The following TUSC3 variants were observed in gnomAD, a reference collection of about 807,000 sequenced individuals.
TUSC3 encodes dolichyl-diphosphooligosaccharide--protein glycosyltransferase subunit TUSC3.
Under a neutral mutation model 44.8 loss-of-function variants are expected in TUSC3, and 45 were observed. That is an observed-to-expected ratio of 1.00 (90% CI 0.79 to 1.29). TUSC3 has a LOEUF of 1.29. Among genes scored for constraint, TUSC3 ranks in the 50% most tolerant of loss-of-function variants. The probability of loss-of-function intolerance (pLI) is 0.00; values close to 1 mark genes in which losing one functional copy is unlikely to be tolerated. For synonymous variants in TUSC3, 212 were observed against 152.9 expected, an observed-to-expected ratio of 1.39 and a Z score of -2.85; for missense variants, 519 against 437.9, an observed-to-expected ratio of 1.19 and a Z score of -1.65.
At chr8:15,617,132 G>GTGTGTGTGTGTGTGTGTGTGTT (rs375212684) in intron 1 of TUSC3, among the ~76,000 whole-genome samples, 26 of 77,646 alleles carry the variant, frequency 3.3e-4, no homozygotes, top group East Asian at 7.3e-4. Context: ...GTGTGTGTGT[G>GTGTGTGTGTGTGTGTGTGTGTT]TATATATTTT....
chr8:15,826,874 G>A, the TUSC3 span, among the ~76,000 whole-genome samples: 2 of 152,142 alleles, frequency 1.3e-5, no homozygotes, highest in Admixed American at 6.6e-5. Flanking sequence ...AGTATATCCA[G>A]CCTTACCTGA....
intron 1 of TUSC3, among the ~76,000 whole-genome samples, chr8:15,472,291 G>A: frequency 6.6e-6 from 1 of 152,122 alleles, no homozygotes; most frequent in East Asian, 1.9e-4. Context: ...AAAAGCCTGA[G>A]AGATTCTGGC....
At chr8:15,565,052 A>G (rs1802613041) in intron 1 of TUSC3, among the ~76,000 whole-genome samples, 1 of 152,130 alleles carries the variant, frequency 6.6e-6, no homozygotes, top group Non-Finnish European at 1.5e-5. Context: ...GAGGCTTAAA[A>G]CAACAGCAAT....
intron 1 of TUSC3, among the ~76,000 whole-genome samples, chr8:15,482,913 ATTACT>A (rs894350247): frequency 3.3e-5 from 5 of 152,224 alleles, no homozygotes; most frequent in African/African-American, 9.6e-5. Flanking sequence ...TTTATTACAC[ATTACT>A]TTAAGCGGTG....
intron 2 of TUSC3, among the ~76,000 whole-genome samples, chr8:15,514,157 C>T (rs1219163279): frequency 2.0e-5 from 3 of 152,042 alleles, no homozygotes; most frequent in East Asian, 1.9e-4. Flanking sequence ...GTCATTTACG[C>T]CGCATTATTT....
intron 2 of TUSC3, among the ~76,000 whole-genome samples, chr8:15,628,083 C>T (rs960847211): frequency 2.6e-5 from 4 of 152,144 alleles, no homozygotes; most frequent in South Asian, 2.1e-4. Context: ...TCGTTTTCCC[C>T]TAAAAATAAA....
At chr8:15,474,983 G>A (rs570762198) in intron 1 of TUSC3, among the ~76,000 whole-genome samples, 1 of 152,018 alleles carries the variant, frequency 6.6e-6, no homozygotes, top group East Asian at 1.9e-4. Context: ...CAGATGAAAA[G>A]ATTCATTTCC....
intron 2 of TUSC3, among the ~76,000 whole-genome samples, chr8:15,642,890 A>G (rs1451994935): frequency 6.6e-6 from 1 of 152,178 alleles, no homozygotes; most frequent in Non-Finnish European, 1.5e-5. Context: ...TCACCCATTT[A>G]TTCATTTATT....
intron 1 of TUSC3, among the ~76,000 whole-genome samples, chr8:15,620,033 G>C (rs1805174362): frequency 6.6e-6 from 1 of 152,160 alleles, no homozygotes; most frequent in African/African-American, 2.4e-5. Flanking sequence ...TTGCACTCCA[G>C]CCTGGGTAAC....
chr8:15,823,413 C>A, the TUSC3 span, among the ~76,000 whole-genome samples: 1 of 152,172 alleles, frequency 6.6e-6, no homozygotes, highest in Admixed American at 6.6e-5. Flanking sequence ...GATTCTATGA[C>A]TTTACATTAA....
At chr8:15,553,628 G>T (rs1157971381) in intron 1 of TUSC3, among the ~76,000 whole-genome samples, 1 of 151,644 alleles carries the variant, frequency 6.6e-6, no homozygotes, top group Non-Finnish European at 1.5e-5. Flanking sequence ...GATTTAGCAA[G>T]AACGGCTTCA....
At chr8:15,787,040 G>C in the TUSC3 span, among the ~76,000 whole-genome samples, 1 of 150,456 alleles carries the variant, frequency 6.6e-6, no homozygotes, top group South Asian at 2.1e-4. Flanking sequence ...TCTGTGGTTT[G>C]CTATATTCAA....
chr8:15,419,824 G>A (rs1799716148), intron 1 of TUSC3, among the ~76,000 whole-genome samples: 1 of 152,144 alleles, frequency 6.6e-6, no homozygotes, highest in Non-Finnish European at 1.5e-5. Flanking sequence ...GGTAAGAACA[G>A]TGGGGGTAAA....
intron 1 of TUSC3, among the ~76,000 whole-genome samples, chr8:15,588,197 C>G (rs550558156): frequency 6.6e-6 from 1 of 152,084 alleles, no homozygotes; most frequent in Non-Finnish European, 1.5e-5. Context: ...TATAAGAGTT[C>G]TGTTTTCTCC....
intron 1 of TUSC3, among the ~76,000 whole-genome samples, chr8:15,564,781 C>A (rs1802604847): frequency 6.6e-6 from 1 of 151,942 alleles, no homozygotes; most frequent in Admixed American, 6.6e-5. Context: ...TCAAGATTTC[C>A]CCACGCTTGT....
chr8:15,467,779 C>G lies in TUSC3; in HGVS notation n.92-15607C>G, dbSNP rs578222389. On this transcript the variant is annotated intron_variant and non_coding_transcript_variant, in intron 1 of 5. Coordinates refer to the TUSC3 transcript ENST00000503191. ...TGAATTACGTTTGTTCTCTGTCTTT[C>G]TTTTTATTTATCTCTCTGCTTTTAA... Among the ~76,000 whole-genome samples the G allele has an allele frequency of 6.6e-5, 10 of 152,220 alleles. No individual in the cohort carries two copies. The East Asian group carries it at 1.7e-3, about 26-fold the overall frequency.
chr8:15,514,507 C>A (rs1585072160), intron 2 of TUSC3, among the ~76,000 whole-genome samples: 2 of 152,274 alleles, frequency 1.3e-5, no homozygotes, highest in Middle Eastern at 6.8e-3. Flanking sequence ...GAAATCTGAA[C>A]TGTAGACTTA....
chr8:15,796,279 G>T, the TUSC3 span, among the ~76,000 whole-genome samples: 1 of 152,194 alleles, frequency 6.6e-6, no homozygotes, highest in African/African-American at 2.4e-5. Flanking sequence ...GACTCATGTG[G>T]TGTATCTAGG....
At chr8:15,817,936 A>G in the TUSC3 span, among the ~76,000 whole-genome samples, 1 of 152,200 alleles carries the variant, frequency 6.6e-6, no homozygotes. Context: ...TCCCAGAGTC[A>G]GGTCAAAAGC....
Sources: allele counts gnomAD v4.1 joint callset (sites outside exome capture counted in the v4.1 genomes callset), GRCh38; gene constraint gnomAD v4.1.1; transcripts MANE v1.5; gene names NCBI Gene and HGNC (gene_info 2026-07-23, HGNC 2026-07-21).